DAW1: variants seen among roughly 807,000 people sequenced by gnomAD.
The protein encoded by DAW1 is dynein assembly factor with WD repeat domains 1.
A neutral mutation model predicts 56.5 loss-of-function variants in DAW1; 47 were observed. The observed-to-expected ratio is 0.83, with a 90% CI of 0.66 to 1.06. The LOEUF (loss-of-function observed/expected upper bound fraction) is 1.06, where lower values mean the gene tolerates loss of function less well. DAW1 is among the 50% of genes least tolerant of loss of function. DAW1 has a pLI of 0.00. For missense variants in DAW1, 505 were observed against 499.3 expected, an observed-to-expected ratio of 1.01 and a Z score of -0.11; for synonymous variants, 190 against 179.0, an observed-to-expected ratio of 1.06 and a Z score of -0.49.
At chr2:227,919,644 G>C (rs1433175225) in intron 11 of DAW1, among the ~76,000 whole-genome samples, 1 of 152,168 alleles carries the variant, frequency 6.6e-6, no homozygotes, top group Non-Finnish European at 1.5e-5. Context: ...CTACAAAGCT[G>C]TGTTTTAGGA....
chr2:227,885,402 A>G lies in DAW1; in HGVS notation c.92A>G (p.Asp31Gly), dbSNP rs1292188948. ...KHGELKTKSI[D>G]LLDLGPSTDV... ...GGAGAATTAAAGACTAAGTCCATAG[A>G]TTTGCTTGATCTTGGTCCCAGGTAA... The change falls in exon 2 of 13, where the codon GAT (aspartate) becomes GGT (glycine). Residue 31 changes from aspartate (D) to glycine (G), a missense_variant. Physicochemically the swap from Asp to Gly is moderately conservative, Grantham distance 94 (BLOSUM62 -1). Coordinates refer to ENST00000309931, the MANE Select transcript of DAW1 (RefSeq NM_178821.3). The G allele has an allele frequency of 6.2e-7, 1 of 1,603,222 alleles. No individual in the cohort carries two copies.
chr2:227,892,143 T>G (rs1010191635), intron 4 of DAW1, among the ~76,000 whole-genome samples: 4 of 152,130 alleles, frequency 2.6e-5, no homozygotes, highest in Non-Finnish European at 5.9e-5. Context: ...AATAATTTTT[T>G]TTTTTTGAGA....
chr2:227,891,439 C>A, intron 4 of DAW1, 126 bp downstream of exon 4: 1 of 764,120 alleles, frequency 1.3e-6, no homozygotes. Flanking sequence ...CCCTTGGATA[C>A]TGAGGAGAAA....
rs760157403 is a variant in DAW1 at position 227,918,766 on chromosome 2, C to A, written c.974-14C>A. 6.2e-7 allele frequency: 1 copy of A among 1,613,572 alleles called. No homozygotes were observed. The highest frequency in any genetic ancestry group is 2.2e-5 in the East Asian group (1 of 44,874). On this transcript the variant is annotated splice_polypyrimidine_tract_variant and intron_variant, in intron 10 of 12. Coordinates refer to ENST00000309931, the MANE Select transcript of DAW1 (RefSeq NM_178821.3). Reference sequence around the variant, plus strand: ...TAAGATGAATTTATATATATCCCCACCCCTCTCAAAAAGGAACAGCAAGAA... The same window carrying A: ...TAAGATGAATTTATATATATCCCCAACCCTCTCAAAAAGGAACAGCAAGAA...
intron 12 of DAW1, among the ~76,000 whole-genome samples, chr2:227,922,681 C>T (rs143776944): frequency 3.5e-4 from 53 of 152,320 alleles, no homozygotes; most frequent in African/African-American, 1.2e-3. Context: ...ATTATCTCCC[C>T]TTACCACCTA....
chr2:227,892,192 G>A (rs924290488), intron 4 of DAW1, among the ~76,000 whole-genome samples: 1 of 151,888 alleles, frequency 6.6e-6, no homozygotes, highest in African/African-American at 2.4e-5. Flanking sequence ...GAGTGCAATG[G>A]CACGATCTTG....
chr2:227,901,138 C>T (rs10206904), intron 6 of DAW1, among the ~76,000 whole-genome samples: 2 of 152,014 alleles, frequency 1.3e-5, no homozygotes, highest in Non-Finnish European at 2.9e-5. Flanking sequence ...CTGAAATCCA[C>T]GTGAAAAATG....
rs918047333 is a variant in DAW1 at position 227,881,751 on chromosome 2, T to C, written c.41-3600T>C. On this transcript the variant is annotated intron_variant, in intron 1 of 12. Coordinates refer to ENST00000309931, the MANE Select transcript of DAW1 (RefSeq NM_178821.3). ...TTTAACTCTGCCACATTCTTTTTTT[T>C]TTTTTTTTTTTTTTTTTTTGAGATA... 2.2e-3 allele frequency among the ~76,000 whole-genome samples: 304 copies of C among 139,400 alleles called. 1 individual carries two copies. Among genetic ancestry groups the C allele is most frequent in the Admixed American group, 5.3e-3 (74 of 13,996 alleles). The allele number at this position is 139,400 out of a possible 152,430, so 91.5% of individuals were successfully genotyped here. A position where few individuals can be genotyped will look rare whatever the true frequency, so the allele number is the denominator to read the frequency against.
At chr2:227,913,417 T>C (rs990549568) in intron 10 of DAW1, among the ~76,000 whole-genome samples, 4 of 152,224 alleles carry the variant, frequency 2.6e-5, no homozygotes, top group African/African-American at 9.6e-5. Flanking sequence ...TGTTTCATCA[T>C]GTTGAAAATC....
In DAW1 at chr2:227,908,837, A is replaced by G. The variant is rs183858883; in HGVS notation, c.973+1585A>G. ...GACATCACATACCATGCGTGATGCT[A>G]TTCTGTGAGGCATAGAATTTGAAGT... On this transcript the variant is annotated intron_variant, in intron 10 of 12. Transcript: ENST00000309931. Among the ~76,000 whole-genome samples, 24 of 152,276 alleles carry G rather than the reference A, an allele frequency of 1.6e-4. 1 individual carries two copies. The highest frequency in any genetic ancestry group is 1.5e-3 in the Admixed American group (23 of 15,292).
chr2:227,900,175 T>A (rs1456946806), intron 6 of DAW1, among the ~76,000 whole-genome samples: 1 of 152,162 alleles, frequency 6.6e-6, no homozygotes, highest in Non-Finnish European at 1.5e-5. Context: ...AGGAAGGTAT[T>A]TTCCCATTTT....
chr2:227,924,141 G>A lies in DAW1; in HGVS notation c.*173G>A. 1.4e-6 allele frequency: 1 copy of A among 722,830 alleles called. No homozygotes were observed. Among genetic ancestry groups the A allele is most frequent in the Non-Finnish European group, 2.3e-6 (1 of 431,734 alleles). The allele number at this position is 722,830 out of a possible 1,614,324, so 44.8% of individuals were successfully genotyped here. A position where few individuals can be genotyped will look rare whatever the true frequency, so the allele number is the denominator to read the frequency against. ...TGACCATTAAACATGACAAAGTTAT[G>A]CCACTCCAATATTATTATTTGATGG... On this transcript the variant is annotated 3_prime_UTR_variant, in exon 13 of 13. Transcript: ENST00000309931.
intron 9 of DAW1, 110 bp from the exon 10 acceptor site, chr2:227,907,028 A>G: frequency 1.5e-6 from 1 of 668,622 alleles, no homozygotes; most frequent in Non-Finnish European, 2.5e-6. Context: ...TGATTTTTGC[A>G]CAGTTATTTA....
At chr2:227,877,396 A>G (rs1179196801) in intron 1 of DAW1, among the ~76,000 whole-genome samples, 1 of 152,208 alleles carries the variant, frequency 6.6e-6, no homozygotes, top group Non-Finnish European at 1.5e-5. Flanking sequence ...CAAGTGAGGC[A>G]CTTGCCTTGG....
intron 3 of DAW1, among the ~76,000 whole-genome samples, 187 bp from the exon 4 acceptor site, chr2:227,891,068 T>C (rs184115256): frequency 2.6e-5 from 4 of 152,350 alleles, no homozygotes; most frequent in Middle Eastern, 6.8e-3. Flanking sequence ...ATGCCATATG[T>C]AAAAGAAAAT....
chr2:227,906,408 G>A, intron 9 of DAW1, 70 bp downstream of exon 9: 1 of 994,792 alleles, frequency 1.0e-6, no homozygotes, highest in East Asian at 2.7e-5. Flanking sequence ...GATATCCATT[G>A]TAACATTAAC....
chr2:227,894,163 A>G (rs1691352077), intron 5 of DAW1, among the ~76,000 whole-genome samples: 1 of 152,116 alleles, frequency 6.6e-6, no homozygotes, highest in African/African-American at 2.4e-5. Context: ...GCACTCTGGG[A>G]GGCCGAGGCG....
At chr2:227,918,174 TC>T (rs1279653028) in intron 10 of DAW1, among the ~76,000 whole-genome samples, 9 of 37,668 alleles carry the variant, frequency 2.4e-4, no homozygotes, top group East Asian at 1.0e-3. Context: ...CCATCCATCA[TC>T]CATCCATCCA....
intron 10 of DAW1, among the ~76,000 whole-genome samples, chr2:227,908,652 A>G (rs1315222820): frequency 1.3e-5 from 2 of 152,194 alleles, no homozygotes; most frequent in Non-Finnish European, 1.5e-5. Flanking sequence ...ATGTGTTAAC[A>G]CTATACAATT....
Sources: gnomAD v4.1 joint callset for allele counts (sites outside exome capture counted in the v4.1 genomes callset) on GRCh38, gnomAD v4.1.1 for gene constraint, MANE v1.5 for transcripts, NCBI Gene and HGNC (gene_info 2026-07-23, HGNC 2026-07-21) for gene names.